Variants in PIWIL3 observed in about 807,000 individuals in gnomAD.
PIWIL3 encodes the protein piwi-like protein 3.
Under a neutral mutation model 109.7 loss-of-function variants are expected in PIWIL3, and 101 were observed. The observed-to-expected ratio is 0.92, with a 90% CI of 0.78 to 1.09. The LOEUF (loss-of-function observed/expected upper bound fraction) is 1.09, where lower values mean the gene tolerates loss of function less well. Ranked by LOEUF, PIWIL3 falls within the 50% of genes least tolerant of loss-of-function variation. The pLI is 0.00. For missense variants in PIWIL3, 1,031 were observed against 1,072.6 expected (o/e 0.96, Z 0.54); for synonymous variants, 373 against 376.4 (o/e 0.99, Z 0.10).
At chr22:24,743,428 T>C (rs960489771) in intron 12 of PIWIL3, among the ~76,000 whole-genome samples, 5 of 152,136 alleles carry the variant, frequency 3.3e-5, no homozygotes, top group Non-Finnish European at 7.4e-5. Context: ...ATCACAAAAA[T>C]ATAGAACCAT....
intron 13 of PIWIL3, among the ~76,000 whole-genome samples, chr22:24,735,045 A>G (rs1923582852): frequency 6.6e-6 from 1 of 151,936 alleles, no homozygotes; most frequent in Non-Finnish European, 1.5e-5. Context: ...CGGTAAAAAA[A>G]TAAAAAAATA....
At chr22:24,740,218 C>CAAAAAAAAAAAAAAAAAAA (rs71189272) in intron 12 of PIWIL3, among the ~76,000 whole-genome samples, 5 of 63,894 alleles carry the variant, frequency 7.8e-5, no homozygotes, top group African/African-American at 3.0e-4. Context: ...GAGACTGTCT[C>CAAAAAAAAAAAAAAAAAAA]AAAAAAAAAA....
At chr22:24,753,800 G>A (rs1331629027) in intron 8 of PIWIL3, among the ~76,000 whole-genome samples, 2 of 152,172 alleles carry the variant, frequency 1.3e-5, no homozygotes, top group Non-Finnish European at 2.9e-5. Context: ...CAGAACAAAT[G>A]GACTGGCATT....
chr22:24,749,339 T>C, intron 11 of PIWIL3, 65 bp downstream of exon 11: 1 of 1,582,444 alleles, frequency 6.3e-7, no homozygotes, highest in Non-Finnish European at 8.6e-7. Flanking sequence ...AGGGCTGAGA[T>C]GCCATCAGCT....
At position 24,770,651 on chromosome 22, in the gene PIWIL3, C is replaced by T. The variant is rs8142936; in HGVS notation, c.-23+3671G>A. 6.8e-3 allele frequency among the ~76,000 whole-genome samples: 918 copies of T among 134,686 alleles called. 5 individuals carry two copies. Among genetic ancestry groups the T allele is most frequent in the African/African-American group, 0.024 (862 of 35,498 alleles). 88.4% of individuals were successfully genotyped at this position (134,686 alleles called of 152,430 possible). ...CAGCCTGGCCGACATGGTGAAACCC[C>T]GTCTCTACTAAAAAAAAAAAAAAAA... On this transcript the variant is annotated intron_variant, in intron 1 of 20. Transcript: ENST00000616349.
intron 2 of PIWIL3, among the ~76,000 whole-genome samples, chr22:24,761,102 G>A (rs1364885182): frequency 6.6e-6 from 1 of 152,112 alleles, no homozygotes; most frequent in Non-Finnish European, 1.5e-5. Context: ...GGGAGGGCAG[G>A]TTGGGAGTGT....
At chr22:24,723,380 A>AC in intron 18 of PIWIL3, 125 bp from the exon 19 acceptor site, 1 of 978,634 alleles carries the variant, frequency 1.0e-6, no homozygotes. Context: ...CCCTCCTTAC[A>AC]CCCTAATTTT....
intron 1 of PIWIL3, among the ~76,000 whole-genome samples, chr22:24,764,820 G>C (rs1298838534): frequency 6.6e-6 from 1 of 152,118 alleles, no homozygotes; most frequent in Non-Finnish European, 1.5e-5. Flanking sequence ...GGAAAAGTTT[G>C]CCTGCCATTG....
At chr22:24,732,147 C>T (rs1923390332) in intron 14 of PIWIL3, among the ~76,000 whole-genome samples, 2 of 152,120 alleles carry the variant, frequency 1.3e-5, no homozygotes, top group Admixed American at 6.5e-5. Flanking sequence ...AATATGTGGC[C>T]TGCTATCTTT....
At chr22:24,757,683 C>CATATATAAAATATGTATATAAT in intron 4 of PIWIL3, among the ~76,000 whole-genome samples, 1 of 63,566 alleles carries the variant, frequency 1.6e-5, no homozygotes, top group Non-Finnish European at 3.7e-5. Flanking sequence ...CACACACACA[C>CATATATAAAATATGTATATAAT]ACACACACAC....
chr22:24,739,759 CTGGTAAT>C (rs1923871092), intron 12 of PIWIL3, among the ~76,000 whole-genome samples: 1 of 152,042 alleles, frequency 6.6e-6, no homozygotes, highest in African/African-American at 2.4e-5. Flanking sequence ...ACAAAACTTA[CTGGTAAT>C]AGGGCCGGGG....
At chr22:24,728,878 C>T (rs1054537513) in intron 14 of PIWIL3, among the ~76,000 whole-genome samples, 1 of 152,040 alleles carries the variant, frequency 6.6e-6, no homozygotes, top group African/African-American at 2.4e-5. Context: ...ATTTACAGGA[C>T]TATCACTGAG....
intron 12 of PIWIL3, among the ~76,000 whole-genome samples, chr22:24,738,696 CT>C (rs1354564014): frequency 1.3e-5 from 2 of 152,208 alleles, no homozygotes; most frequent in African/African-American, 4.8e-5. Context: ...GCAGATATGA[CT>C]TAGATCACAA....
At chr22:24,745,736 AAAG>A (rs75875918) in intron 12 of PIWIL3, among the ~76,000 whole-genome samples, 2 of 150,414 alleles carry the variant, frequency 1.3e-5, no homozygotes, top group Non-Finnish European at 3.0e-5. Flanking sequence ...AAAAAAAAAA[AAAG>A]AAGATCCAAA....
chr22:24,719,772 T>G lies in PIWIL3; in HGVS notation c.2481A>C (p.Leu827=). 1 of 1,612,984 alleles carries G rather than the reference T, an allele frequency of 6.2e-7. No individual in the cohort carries two copies. The highest frequency in any genetic ancestry group is 1.3e-5 in the African/African-American group (1 of 75,018). ...PDTVQRLTYC[L]CHMYYNLPGI... ...CTGGCAAATTATAATACATGTGGCA[T>G]AGACAATATGTTAAACGCTGTACTG... Residue 827 remains leucine, a synonymous_variant, in exon 20 of 21, where the codon CTA becomes CTC. Transcript: ENST00000616349.
At chr22:24,732,879 T>G (rs1923437168) in intron 14 of PIWIL3, among the ~76,000 whole-genome samples, 1 of 152,194 alleles carries the variant, frequency 6.6e-6, no homozygotes, top group Non-Finnish European at 1.5e-5. Context: ...AAGAGATTCC[T>G]GTTATGAGAA....
intron 12 of PIWIL3, among the ~76,000 whole-genome samples, chr22:24,737,755 G>A (rs767950114): frequency 6.6e-5 from 10 of 152,224 alleles, no homozygotes; most frequent in Non-Finnish European, 1.3e-4. Context: ...AGCATTCACC[G>A]CAAGCTGACT....
chr22:24,770,236 G>C (rs1033243338), intron 1 of PIWIL3, among the ~76,000 whole-genome samples: 1 of 152,186 alleles, frequency 6.6e-6, no homozygotes, highest in Non-Finnish European at 1.5e-5. Context: ...ACTCAAACCC[G>C]TCAGTTTTCC....
At chr22:24,760,309 G>T (rs1416160550) in intron 2 of PIWIL3, among the ~76,000 whole-genome samples, 3 of 152,178 alleles carry the variant, frequency 2.0e-5, no homozygotes, top group Non-Finnish European at 4.4e-5. Flanking sequence ...AGACTTGGAG[G>T]TACTGAGTGA....
Sources: allele counts gnomAD v4.1 joint callset (sites outside exome capture counted in the v4.1 genomes callset), GRCh38; gene constraint gnomAD v4.1.1; transcripts MANE v1.5; gene names NCBI Gene and HGNC (gene_info 2026-07-23, HGNC 2026-07-21).